MARCHF8: variants seen among roughly 807,000 people sequenced by gnomAD.
MARCHF8 encodes membrane associated ring-CH-type finger 8.
A neutral mutation model predicts 51.6 loss-of-function variants in MARCHF8; 40 were observed. That is an observed-to-expected ratio of 0.77 (90% CI 0.60 to 1.01). The LOEUF (loss-of-function observed/expected upper bound fraction) is 1.01, where lower values mean the gene tolerates loss of function less well. Ranked by LOEUF, MARCHF8 falls within the 50% of genes least tolerant of loss-of-function variation. The pLI, the probability that MARCHF8 is intolerant of heterozygous loss-of-function variation, is 0.00. For missense variants in MARCHF8, 685 were observed against 708.6 expected, an observed-to-expected ratio of 0.97 and a Z score of 0.38; for synonymous variants, 263 against 280.3, an observed-to-expected ratio of 0.94 and a Z score of 0.62.
At chr10:45,578,027 A>AG (rs1261927510) in intron 1 of MARCHF8, among the ~76,000 whole-genome samples, 1 of 152,186 alleles carries the variant, frequency 6.6e-6, no homozygotes, top group Non-Finnish European at 1.5e-5. Flanking sequence ...GTCTCTAAAA[A>AG]AATTGTTTAA....
At chr10:45,543,109 A>G (rs538633709) in intron 1 of MARCHF8, among the ~76,000 whole-genome samples, 44 of 152,228 alleles carry the variant, frequency 2.9e-4, no homozygotes, top group Non-Finnish European at 5.3e-4. Context: ...ATTGTTTTGC[A>G]GCCCTCATGT....
intron 1 of MARCHF8, among the ~76,000 whole-genome samples, chr10:45,546,164 T>G (rs1296698680): frequency 6.6e-6 from 1 of 151,664 alleles, no homozygotes; most frequent in African/African-American, 2.4e-5. Context: ...ATTTATTTAT[T>G]TATTTATTTA....
intron 2 of MARCHF8, among the ~76,000 whole-genome samples, chr10:45,506,140 G>C (rs1192171949): frequency 6.6e-6 from 1 of 152,100 alleles, no homozygotes; most frequent in Non-Finnish European, 1.5e-5. Flanking sequence ...TATATAAACA[G>C]AATATTCCTA....
upstream of MARCHF8, among the ~76,000 whole-genome samples, chr10:45,536,556 C>A (rs981647311): frequency 6.7e-6 from 1 of 150,326 alleles, no homozygotes; most frequent in African/African-American, 2.5e-5. Flanking sequence ...AAGGCCTGGG[C>A]AATATAGCAA....
In MARCHF8 at chr10:45,455,801, T is replaced by A. The variant is rs7899415; in HGVS notation, c.*2438A>T. Reference sequence around the variant, plus strand: ...CCCGCCAGGAGAGGAAAGAAGAATGTGTGTGGATTGTCCACAGTGAGGCCA... The same window carrying A: ...CCCGCCAGGAGAGGAAAGAAGAATGAGTGTGGATTGTCCACAGTGAGGCCA... On this transcript the variant is annotated 3_prime_UTR_variant, in exon 8 of 8. Coordinates refer to ENST00000453424, the MANE Select transcript of MARCHF8 (RefSeq NM_001282866.2). The A allele has an allele frequency of 0.022, 3,372 of 152,406 alleles. 53 individuals carry two copies. The highest frequency in any genetic ancestry group is 0.097 in the East Asian group (500 of 5,178). The allele number at this position is 152,406 out of a possible 1,614,324, so 9.4% of individuals were successfully genotyped here.
At chr10:45,538,657 G>A (rs1428598742), upstream of MARCHF8, among the ~76,000 whole-genome samples, 6 of 152,084 alleles carry the variant, frequency 3.9e-5, no homozygotes, top group East Asian at 1.2e-3. Context: ...AAAAGGCAGA[G>A]GTTGCAATCC....
At chr10:45,466,955 A>G (rs1267298999) in intron 3 of MARCHF8, among the ~76,000 whole-genome samples, 1 of 152,182 alleles carries the variant, frequency 6.6e-6, no homozygotes, top group East Asian at 1.9e-4. Flanking sequence ...GCACACACAC[A>G]CGTCAGGACA....
chr10:45,574,271 T>C (rs979864852), intron 1 of MARCHF8, among the ~76,000 whole-genome samples: 2 of 152,176 alleles, frequency 1.3e-5, no homozygotes, highest in Non-Finnish European at 2.9e-5. Flanking sequence ...TTAAAGCCTA[T>C]AAACTCTCCT....
intron 3 of MARCHF8, among the ~76,000 whole-genome samples, chr10:45,484,299 A>C (rs1205242249): frequency 6.6e-6 from 1 of 152,238 alleles, no homozygotes; most frequent in Non-Finnish European, 1.5e-5. Flanking sequence ...GGAAGTACAT[A>C]GGGTGAGGAC....
chr10:45,495,741 AGGAGGGGAGG>A (rs1278290916), intron 2 of MARCHF8, among the ~76,000 whole-genome samples: 10 of 56,710 alleles, frequency 1.8e-4, no homozygotes, highest in South Asian at 6.9e-4. Context: ...TTAATTTGTT[AGGAGGGGAGG>A]GGAGGGGAGG....
chr10:45,457,426 G>C lies in MARCHF8; in HGVS notation c.*813C>G, dbSNP rs1842637084. On this transcript the variant is annotated 3_prime_UTR_variant, in exon 8 of 8. Transcript: ENST00000453424. Reference sequence around the variant, plus strand: ...ATCCACTAATTCCCATGAGATCTGTGATTAAAAAAAAAGCCTCTGGCCTGC... The same window carrying C: ...ATCCACTAATTCCCATGAGATCTGTCATTAAAAAAAAAGCCTCTGGCCTGC... 4 of 152,074 alleles carry C rather than the reference G, an allele frequency of 2.6e-5. No homozygotes were observed. Among genetic ancestry groups the C allele is most frequent in the African/African-American group, 9.7e-5 (4 of 41,304 alleles). 9.4% of individuals were successfully genotyped at this position (152,074 alleles called of 1,614,324 possible).
At chr10:45,491,101 G>C (rs2043072960) in intron 2 of MARCHF8, among the ~76,000 whole-genome samples, 1 of 152,162 alleles carries the variant, frequency 6.6e-6, no homozygotes, top group African/African-American at 2.4e-5. Context: ...GTCTTGCTAT[G>C]CTGCCCAGGC....
intron 3 of MARCHF8, among the ~76,000 whole-genome samples, chr10:45,485,927 G>A (rs2042971077): frequency 6.6e-6 from 1 of 152,124 alleles, no homozygotes; most frequent in Non-Finnish European, 1.5e-5. Context: ...ACATGTCACG[G>A]CCTAAAACTG....
intron 2 of MARCHF8, among the ~76,000 whole-genome samples, chr10:45,506,094 T>C (rs569437269): frequency 6.9e-5 from 10 of 144,098 alleles, no homozygotes; most frequent in Admixed American, 6.9e-4. Context: ...CTTAAAGTAA[T>C]ATATTCTGAT....
chr10:45,545,166 GTTCT>G (rs1349894204), intron 1 of MARCHF8, among the ~76,000 whole-genome samples: 5 of 152,244 alleles, frequency 3.3e-5, no homozygotes, highest in South Asian at 2.1e-4. Context: ...CATTTATTGA[GTTCT>G]TTAATTAATG....
At chr10:45,488,050 G>C (rs1235821693) in intron 3 of MARCHF8, among the ~76,000 whole-genome samples, 1 of 152,140 alleles carries the variant, frequency 6.6e-6, no homozygotes, top group Non-Finnish European at 1.5e-5. Context: ...GCACTGCCTG[G>C]AAGCAAGCTC....
intron 5 of MARCHF8, 196 bp from the exon 6 acceptor site, chr10:45,461,607 G>C: frequency 2.5e-6 from 1 of 406,924 alleles, no homozygotes; most frequent in Non-Finnish European, 4.2e-6. Flanking sequence ...CACCAACATG[G>C]AAAGTCTGGA....
At position 45,463,468 on chromosome 10, in the gene MARCHF8, T is replaced by C; in HGVS notation, c.771A>G (p.Gln257=). 6.4e-7 allele frequency: 1 copy of C among 1,550,650 alleles called. No homozygotes were observed. Among genetic ancestry groups the C allele is most frequent in the Non-Finnish European group, 8.7e-7 (1 of 1,147,008 alleles). Residue 257 remains glutamine, a synonymous_variant, in exon 5 of 8, where the codon CAA becomes CAG. Transcript: ENST00000453424. The part of the protein sequence containing the change: ...ADGEATSRSR[Q]LLQYLFSLSH... ...AGAGTGAGAACAGGTACTGGAGCAG[T>C]TGCCGGCTTCGGGACGTGGCCTCAC...
chr10:45,556,128 TA>T (rs2044249414), intron 1 of MARCHF8, among the ~76,000 whole-genome samples: 1 of 152,204 alleles, frequency 6.6e-6, no homozygotes, highest in East Asian at 1.9e-4. Context: ...GTGCACAAGA[TA>T]AACGGCATGA....
Sources: allele counts gnomAD v4.1 joint callset (sites outside exome capture counted in the v4.1 genomes callset), GRCh38; gene constraint gnomAD v4.1.1; transcripts MANE v1.5; gene names NCBI Gene and HGNC (gene_info 2026-07-23, HGNC 2026-07-21).